Variants in ARID4B observed in about 807,000 individuals in gnomAD.
The protein encoded by ARID4B is AT-rich interactive domain-containing protein 4B.
In ARID4B, 26 loss-of-function variants were observed where a neutral mutation model predicts 147.5. The ratio of observed to expected loss-of-function variants is 0.18; its 90% CI spans 0.13 to 0.24. The LOEUF is 0.24. Ranked by LOEUF, ARID4B falls within the 10% of genes least tolerant of loss-of-function variation. The probability of loss-of-function intolerance (pLI) is 1.00; values close to 1 mark genes in which losing one functional copy is unlikely to be tolerated. For missense variants in ARID4B, 1,179 were observed against 1,511.5 expected (o/e 0.78, Z 3.65); for synonymous variants, 512 against 507.9 (o/e 1.01, Z -0.11).
intron 2 of ARID4B, among the ~76,000 whole-genome samples, chr1:235,288,226 T>C (rs1448057838): frequency 6.6e-6 from 1 of 152,080 alleles, no homozygotes; most frequent in African/African-American, 2.4e-5. Flanking sequence ...GCAGAACTGC[T>C]TGAACTCAGG....
chr1:235,216,345 A>G (rs528356169), intron 16 of ARID4B, among the ~76,000 whole-genome samples: 28 of 151,822 alleles, frequency 1.8e-4, no homozygotes, highest in Admixed American at 2.6e-4. Context: ...ATATACGTGT[A>G]TATATATATA....
At chr1:235,192,967 C>T (rs1033930444) in intron 19 of ARID4B, among the ~76,000 whole-genome samples, 2 of 152,260 alleles carry the variant, frequency 1.3e-5, no homozygotes, top group East Asian at 1.9e-4. Context: ...GTGGCGGGCG[C>T]CTGTAGTCCC....
chr1:235,299,146 T>A (rs1428577862), intron 2 of ARID4B, among the ~76,000 whole-genome samples: 2 of 152,206 alleles, frequency 1.3e-5, no homozygotes, highest in Non-Finnish European at 2.9e-5. Flanking sequence ...CACCTTAAAG[T>A]GTGACCCTAA....
At chr1:235,171,567 G>T (rs934195204) in intron 23 of ARID4B, among the ~76,000 whole-genome samples, 12 of 152,028 alleles carry the variant, frequency 7.9e-5, no homozygotes, top group African/African-American at 2.7e-4. Context: ...GCTCTATTTA[G>T]CAAAATCATT....
intron 2 of ARID4B, among the ~76,000 whole-genome samples, chr1:235,323,158 C>T (rs1047631677): frequency 6.6e-6 from 1 of 151,660 alleles, no homozygotes; most frequent in African/African-American, 2.4e-5. Context: ...CTACCTCAGT[C>T]TCCTGAGTAG....
intron 11 of ARID4B, among the ~76,000 whole-genome samples, chr1:235,225,485 A>C (rs1279220723): frequency 6.6e-6 from 1 of 152,248 alleles, no homozygotes; most frequent in Non-Finnish European, 1.5e-5. Flanking sequence ...GTTAAGATTG[A>C]GGAACTCACC....
At chr1:235,216,308 T>TAC (rs1667072008) in intron 16 of ARID4B, among the ~76,000 whole-genome samples, 1 of 144,286 alleles carries the variant, frequency 6.9e-6, no homozygotes, top group South Asian at 2.2e-4. Flanking sequence ...CATATATATG[T>TAC]ATACACACAC....
intron 2 of ARID4B, among the ~76,000 whole-genome samples, chr1:235,275,741 T>C (rs944333197): frequency 3.9e-5 from 6 of 152,230 alleles, no homozygotes; most frequent in East Asian, 1.9e-4. Context: ...CAAACATTAA[T>C]TGAGCACCCA....
chr1:235,234,097 A>C (rs563706357), intron 9 of ARID4B, among the ~76,000 whole-genome samples: 3 of 152,170 alleles, frequency 2.0e-5, no homozygotes, highest in Non-Finnish European at 4.4e-5. Flanking sequence ...CAAAAAAATC[A>C]ATAAAGTATT....
At chr1:235,304,348 G>A (rs916000379) in intron 2 of ARID4B, among the ~76,000 whole-genome samples, 1 of 151,100 alleles carries the variant, frequency 6.6e-6, no homozygotes, top group Non-Finnish European at 1.5e-5. Flanking sequence ...ACCCTGTCCC[G>A]AAAATAAAAA....
chr1:235,316,900 A>T (rs1674481079), intron 2 of ARID4B, among the ~76,000 whole-genome samples: 1 of 152,230 alleles, frequency 6.6e-6, no homozygotes, highest in Non-Finnish European at 1.5e-5. Flanking sequence ...ACAAAAACTG[A>T]AACTTTTTCA....
intron 2 of ARID4B, among the ~76,000 whole-genome samples, chr1:235,266,166 T>A (rs1426188712): frequency 6.6e-6 from 1 of 152,114 alleles, no homozygotes; most frequent in Non-Finnish European, 1.5e-5. Context: ...TAAAAGTGTA[T>A]CACGACCCCT....
At chr1:235,287,218 C>T (rs754697925) in intron 2 of ARID4B, among the ~76,000 whole-genome samples, 2 of 152,130 alleles carry the variant, frequency 1.3e-5, no homozygotes, top group Non-Finnish European at 2.9e-5. Flanking sequence ...AAGATCGTGC[C>T]ACTGCACTCC....
chr1:235,236,402 G>A (rs545346206), intron 8 of ARID4B, among the ~76,000 whole-genome samples: 35 of 152,068 alleles, frequency 2.3e-4, no homozygotes, highest in Non-Finnish European at 4.6e-4. Flanking sequence ...ACTTTTTAGT[G>A]ATTATGGTGT....
intron 3 of ARID4B, among the ~76,000 whole-genome samples, chr1:235,257,861 G>A (rs1009187802): frequency 6.6e-6 from 1 of 152,124 alleles, no homozygotes; most frequent in Non-Finnish European, 1.5e-5. Flanking sequence ...GAGAAAGAAA[G>A]ATATGGGGAT....
At chr1:235,251,057 A>G (rs938986595) in intron 6 of ARID4B, among the ~76,000 whole-genome samples, 5 of 152,128 alleles carry the variant, frequency 3.3e-5, no homozygotes, top group African/African-American at 9.7e-5. Flanking sequence ...CTTGCCCCAA[A>G]GCTGTCTGTA....
At chr1:235,246,633 C>A in intron 6 of ARID4B, 122 bp from the exon 7 acceptor site, 2 of 629,548 alleles carry the variant, frequency 3.2e-6, no homozygotes, top group South Asian at 2.4e-5. Flanking sequence ...CCCAGGGAAG[C>A]TAAAACACAG....
chr1:235,221,418 C>T (rs530950331), intron 14 of ARID4B, 147 bp downstream of exon 14: 1 of 520,684 alleles, frequency 1.9e-6, no homozygotes, highest in South Asian at 3.2e-5. Context: ...ATAGAATACA[C>T]TTTAGAAAAT....
At chr1:235,285,083 T>C (rs1205387171) in intron 2 of ARID4B, among the ~76,000 whole-genome samples, 1 of 152,044 alleles carries the variant, frequency 6.6e-6, no homozygotes, top group Non-Finnish European at 1.5e-5. Context: ...CCAGCTGACT[T>C]TTTTTAAAAT....
Sources: allele counts gnomAD v4.1 joint callset (sites outside exome capture counted in the v4.1 genomes callset), GRCh38; gene constraint gnomAD v4.1.1; transcripts MANE v1.5; gene names NCBI Gene and HGNC (gene_info 2026-07-23, HGNC 2026-07-21).